The following NLRP1 variants were observed in gnomAD, a reference collection of about 807,000 sequenced individuals.
NLRP1 encodes NACHT, LRR and PYD domains-containing protein 1.
NLRP1 carries 94 observed loss-of-function variants against 136.7 expected under a neutral mutation model. The ratio of observed to expected loss-of-function variants is 0.69; its 90% CI spans 0.58 to 0.82. NLRP1 has a LOEUF of 0.82. Ranked by LOEUF, NLRP1 falls within the 40% of genes least tolerant of loss-of-function variation. The probability of loss-of-function intolerance (pLI) is 0.00; values close to 1 mark genes in which losing one functional copy is unlikely to be tolerated. For synonymous variants in NLRP1, 690 were observed against 725.1 expected, an observed-to-expected ratio of 0.95 and a Z score of 0.78; for missense variants, 1,575 against 1,802.7, an observed-to-expected ratio of 0.87 and a Z score of 2.29.
chr17:5,526,490 G>T (rs571192985), intron 12 of NLRP1, among the ~76,000 whole-genome samples: 1 of 152,304 alleles, frequency 6.6e-6, no homozygotes, highest in Admixed American at 6.5e-5. Flanking sequence ...AGGTGTCTGT[G>T]TGAAGTGTTC....
chr17:5,565,805 G>A (rs954696625), intron 3 of NLRP1, among the ~76,000 whole-genome samples: 1 of 152,148 alleles, frequency 6.6e-6, no homozygotes, highest in African/African-American at 2.4e-5. Context: ...AAGCCATCCA[G>A]TCCTTGGCTT....
chr17:5,559,287 AAAG>A lies in NLRP1; in HGVS notation c.1406_1408del (p.Ser469del). The A allele has an allele frequency of 1.2e-6, 2 of 1,614,186 alleles. No homozygotes were observed. Among genetic ancestry groups the A allele is most frequent in the Admixed American group, 1.7e-5 (1 of 60,026 alleles). ...GACCTCTACCCAACGTGCCTGCTCC[AAAG>A]AAGGAATGAGGTTCTGCAGAGCTGT... On this transcript the variant is annotated inframe_deletion, in exon 4 of 17. Transcript: ENST00000572272.
intron 12 of NLRP1, among the ~76,000 whole-genome samples, chr17:5,525,787 C>T (rs79288424): frequency 0.017 from 2,640 of 152,300 alleles, 136 homozygotes; most frequent in South Asian, 0.16. Flanking sequence ...CTCCCGGTGT[C>T]ACTGTGCAGA....
chr17:5,568,327 C>A (rs112259475), intron 3 of NLRP1, among the ~76,000 whole-genome samples: 3,632 of 152,186 alleles, frequency 0.024, 154 homozygotes, highest in African/African-American at 0.084. Context: ...TCTGCTGGAT[C>A]CATTCTGCTA....
At chr17:5,531,643 T>C (rs964079573) in intron 11 of NLRP1, among the ~76,000 whole-genome samples, 1 of 152,186 alleles carries the variant, frequency 6.6e-6, no homozygotes, top group African/African-American at 2.4e-5. Context: ...CCAGCTTCTG[T>C]AGGTGTGAGC....
At chr17:5,572,792 A>G (rs1904550367) in intron 3 of NLRP1, among the ~76,000 whole-genome samples, 2 of 152,366 alleles carry the variant, frequency 1.3e-5, no homozygotes, top group South Asian at 2.1e-4. Context: ...CAGCATATGA[A>G]AAAATGCTCA....
At chr17:5,548,976 T>C (rs1413161302) in intron 5 of NLRP1, among the ~76,000 whole-genome samples, 1 of 152,226 alleles carries the variant, frequency 6.6e-6, no homozygotes, top group African/African-American at 2.4e-5. Context: ...TGTCCATTTC[T>C]GCAAAAATGG....
rs755811313 is a variant in NLRP1, at chr17:5,559,930, C to G, written c.766G>C (p.Glu256Gln). 1.2e-6 allele frequency: 2 copies of G among 1,614,190 alleles called. No homozygotes were observed. Among genetic ancestry groups the G allele is most frequent in the Non-Finnish European group, 1.7e-6 (2 of 1,180,040 alleles). ...CAGAGGCTCTCTCTCACAGAAGGCTCCCATGGGTGGTGGTGGGGCTGTAGG... is the reference window on the plus strand; with the variant it reads ...CAGAGGCTCTCTCTCACAGAAGGCTGCCATGGGTGGTGGTGGGGCTGTAGG... ...TSLQPHHHPW[E>Q]PSVRESLCST... The change falls in exon 4 of 17, where the codon GAG becomes CAG. Residue 256 changes from glutamate to glutamine, a missense_variant. Coordinates refer to ENST00000572272, the MANE Select transcript of NLRP1 (RefSeq NM_033004.4).
At chr17:5,533,669 A>G (rs1162665452) in intron 9 of NLRP1, among the ~76,000 whole-genome samples, 2 of 150,510 alleles carry the variant, frequency 1.3e-5, no homozygotes, top group Non-Finnish European at 1.5e-5. Flanking sequence ...GATACATGCC[A>G]TAGACGTTCT....
intron 13 of NLRP1, 76 bp downstream of exon 13, chr17:5,521,448 C>A: frequency 6.6e-7 from 1 of 1,509,132 alleles, no homozygotes; most frequent in Non-Finnish European, 9.0e-7. Context: ...TGAAGACCCT[C>A]TAGGGGGCTC....
chr17:5,532,070 C>G (rs561325101), intron 11 of NLRP1, among the ~76,000 whole-genome samples: 17 of 152,254 alleles, frequency 1.1e-4, no homozygotes, highest in African/African-American at 3.9e-4. Flanking sequence ...TGGTGAAACC[C>G]CCATCTCTAC....
chr17:5,524,072 C>T (rs1157359587), intron 12 of NLRP1, among the ~76,000 whole-genome samples: 3 of 152,202 alleles, frequency 2.0e-5, no homozygotes, highest in Non-Finnish European at 2.9e-5. Context: ...TACAGGCATG[C>T]ACCACTGCGC....
At chr17:5,524,732 C>T (rs1909318142) in intron 12 of NLRP1, among the ~76,000 whole-genome samples, 1 of 152,220 alleles carries the variant, frequency 6.6e-6, no homozygotes. Flanking sequence ...GGTCCTAGGA[C>T]CAGATCCCAG....
At chr17:5,573,578 A>G (rs1446323171) in intron 3 of NLRP1, among the ~76,000 whole-genome samples, 2 of 152,202 alleles carry the variant, frequency 1.3e-5, no homozygotes, top group Non-Finnish European at 2.9e-5. Context: ...GTAGGGGCAG[A>G]CTGACACCTC....
At chr17:5,520,050 T>G (rs890530150) in intron 14 of NLRP1, among the ~76,000 whole-genome samples, 3 of 151,552 alleles carry the variant, frequency 2.0e-5, no homozygotes, top group African/African-American at 7.3e-5. Flanking sequence ...AGAGACAGGG[T>G]TTCACCATGT....
At chr17:5,581,279 T>G (rs1358266519) in intron 3 of NLRP1, among the ~76,000 whole-genome samples, 1 of 152,230 alleles carries the variant, frequency 6.6e-6, no homozygotes, top group African/African-American at 2.4e-5. Flanking sequence ...GTTAAAAGTG[T>G]GGATTGCTGC....
rs775025397 is a variant in NLRP1, at chr17:5,582,728, C to CCA, written c.389_390insTG (p.Gln130HisfsTer9). ...GTCTCAAAACCCTTCTCTCTGAGCC[C>CCA]TGGGTGCACCCCGCCGGCAATTCAT... On this transcript the variant is annotated frameshift_variant, in exon 2 of 17. Coordinates refer to ENST00000572272, the MANE Select transcript of NLRP1 (RefSeq NM_033004.4). LOFTEE classifies it high-confidence loss of function. 3 of 1,614,176 alleles carry CCA rather than the reference C, an allele frequency of 1.9e-6. No homozygotes were observed. The South Asian group carries it at 3.3e-5, about 18-fold the overall frequency.
chr17:5,583,796 G>A lies in NLRP1; in HGVS notation c.162C>T (p.Ala54=). ...CCCCATACTGAGCCACCAGGTACGAGGCCACCTCCATGCCACTCGTCTTCT... is the reference window on the plus strand; with the variant it reads ...CCCCATACTGAGCCACCAGGTACGAAGCCACCTCCATGCCACTCGTCTTCT... ...QPEKTSGMEV[A]SYLVAQYGEQ... Residue 54 remains alanine (A), a synonymous_variant, in exon 1 of 17, where the codon GCC becomes GCT. Transcript: ENST00000572272. This position sits in a 1 kb window ranked among gnomAD's most constrained non-coding sequence, Gnocchi z 4.5. The A allele has an allele frequency of 6.4e-7, 1 of 1,557,226 alleles. No homozygotes were observed. The highest frequency in any genetic ancestry group is 8.7e-7 in the Non-Finnish European group (1 of 1,149,676).
Position 5,514,565 on chromosome 17 carries a change from C to T in NLRP1, c.*189G>A, listed in dbSNP as rs1907847586. 4 of 1,434,708 alleles carry T rather than the reference C, an allele frequency of 2.8e-6. No homozygotes were observed. The South Asian group carries it at 6.0e-5, about 22-fold the overall frequency. 88.9% of individuals were successfully genotyped at this position (1,434,708 alleles called of 1,614,324 possible). On this transcript the variant is annotated 3_prime_UTR_variant, in exon 17 of 17. Coordinates refer to ENST00000572272, the MANE Select transcript of NLRP1 (RefSeq NM_033004.4). ...ATTCCCTGAGATGCTGTTAGGCCAC[C>T]TGGACTGGGGCCCCCTGTGGCATCC...
Sources: gnomAD v4.1 joint callset for allele counts (sites outside exome capture counted in the v4.1 genomes callset) on GRCh38, gnomAD v4.1.1 for gene constraint, Gnocchi (gnomAD v3.1) non-coding constraint, MANE v1.5 for transcripts, NCBI Gene and HGNC (gene_info 2026-07-23, HGNC 2026-07-21) for gene names.